AP2B1: variants seen among roughly 807,000 people sequenced by gnomAD.
The protein encoded by AP2B1 is AP-2 complex subunit beta.
AP2B1 carries 23 observed loss-of-function variants against 102.0 expected under a neutral mutation model. The observed-to-expected ratio is 0.23, with a 90% CI of 0.16 to 0.32. AP2B1 has a LOEUF of 0.32. Among genes scored for constraint, AP2B1 ranks in the 10% least tolerant of loss-of-function variants. The pLI, the probability that AP2B1 is intolerant of heterozygous loss-of-function variation, is 1.00. For synonymous variants in AP2B1, 381 were observed against 421.2 expected (o/e 0.90, Z 1.17); for missense variants, 541 against 1,157.4 (o/e 0.47, Z 7.73).
At chr17:35,609,178 TTATC>T (rs997493302) in intron 5 of AP2B1, among the ~76,000 whole-genome samples, 23 of 152,164 alleles carry the variant, frequency 1.5e-4, no homozygotes, top group African/African-American at 2.2e-4. Context: ...TAAAAATTAT[TTATC>T]TATCTATTTA....
chr17:35,610,804 G>A (rs1567804538), intron 5 of AP2B1, among the ~76,000 whole-genome samples: 1 of 152,014 alleles, frequency 6.6e-6, no homozygotes, highest in Non-Finnish European at 1.5e-5. Flanking sequence ...CTACTCAGGA[G>A]GCCGAGGCAG....
rs200693284 is a variant in AP2B1, at chr17:35,608,092, A to G, written c.280-50A>G. 7.8e-4 allele frequency: 1,243 copies of G among 1,602,900 alleles called. 2 individuals carry two copies. The highest frequency in any genetic ancestry group is 9.8e-4 in the Non-Finnish European group (1,154 of 1,173,876). On this transcript the variant is annotated intron_variant, in intron 4 of 21. Coordinates refer to ENST00000610402, the MANE Select transcript of AP2B1 (RefSeq NM_001030006.2). ...GCAGCTTACATAAACTGGACTGTTTACTTTTAGCCACCATGTATACCTACA... is the reference window on the plus strand; with the variant it reads ...GCAGCTTACATAAACTGGACTGTTTGCTTTTAGCCACCATGTATACCTACA...
At chr17:35,693,052 T>C (rs1293267691) in intron 18 of AP2B1, among the ~76,000 whole-genome samples, 1 of 152,220 alleles carries the variant, frequency 6.6e-6, no homozygotes, top group East Asian at 1.9e-4. Context: ...TCTCACTCTG[T>C]TGTTGCCCAG....
At chr17:35,639,487 T>C in intron 10 of AP2B1, 108 bp from the exon 11 acceptor site, 1 of 863,120 alleles carries the variant, frequency 1.2e-6, no homozygotes, top group Non-Finnish European at 1.8e-6. Flanking sequence ...TTTTACAGTT[T>C]GGTGGTTTGG....
intron 14 of AP2B1, among the ~76,000 whole-genome samples, chr17:35,660,484 T>TA (rs1182431627): frequency 3.7e-3 from 546 of 147,994 alleles, no homozygotes; most frequent in African/African-American, 0.013. Context: ...TCTCTCTCTT[T>TA]TTTTTTTTTT....
chr17:35,656,976 C>G (rs962017080), intron 13 of AP2B1, among the ~76,000 whole-genome samples: 1 of 152,044 alleles, frequency 6.6e-6, no homozygotes, highest in Non-Finnish European at 1.5e-5. Flanking sequence ...ATCCCAAACT[C>G]TGCTCCTGCC....
intron 13 of AP2B1, among the ~76,000 whole-genome samples, chr17:35,653,153 C>A (rs530023767): frequency 1.1e-4 from 16 of 152,282 alleles, no homozygotes; most frequent in African/African-American, 3.8e-4. Context: ...AGGGAAATTA[C>A]CCACTGACCA....
At chr17:35,685,068 A>T (rs1402183752) in intron 18 of AP2B1, among the ~76,000 whole-genome samples, 1 of 152,236 alleles carries the variant, frequency 6.6e-6, no homozygotes, top group African/African-American at 2.4e-5. Flanking sequence ...AATTTTCATA[A>T]ACCTGATATT....
intron 12 of AP2B1, among the ~76,000 whole-genome samples, chr17:35,642,997 T>G (rs1028910301): frequency 1.3e-5 from 2 of 151,814 alleles, no homozygotes; most frequent in African/African-American, 4.8e-5. Flanking sequence ...TTCAAAACAA[T>G]TTCTTTATTC....
At position 35,674,128 on chromosome 17, in the gene AP2B1, T is replaced by G. The variant is rs768816536; in HGVS notation, c.2179-48T>G. ...TTTATTTGTTAAAAAATGCATAGCATCAAGATAAATCTTGTCTGATTCTAT... is the reference window on the plus strand; with the variant it reads ...TTTATTTGTTAAAAAATGCATAGCAGCAAGATAAATCTTGTCTGATTCTAT... On this transcript the variant is annotated intron_variant, in intron 16 of 21. Coordinates refer to ENST00000610402, the MANE Select transcript of AP2B1 (RefSeq NM_001030006.2). 6 of 1,550,940 alleles carry G rather than the reference T, an allele frequency of 3.9e-6. No homozygotes were observed. In the South Asian group the frequency reaches 7.1e-5, roughly 18 times the overall value.
chr17:35,683,590 T>G (rs1040240014), intron 18 of AP2B1, among the ~76,000 whole-genome samples: 1 of 152,224 alleles, frequency 6.6e-6, no homozygotes, highest in African/African-American at 2.4e-5. Context: ...AAATGTCGAA[T>G]TTTTTAGAAT....
rs1555576234 is a variant in AP2B1, at chr17:35,680,696, T to TTG, written c.2325-1998_2325-1997insGT. Among the ~76,000 whole-genome samples, 47 of 116,932 alleles carry TTG rather than the reference T, an allele frequency of 4.0e-4. No individual in the cohort carries two copies. The East Asian group carries it at 5.8e-3, about 14-fold the overall frequency. The allele number at this position is 116,932 out of a possible 152,430, so 76.7% of individuals were successfully genotyped here. On this transcript the variant is annotated intron_variant, in intron 17 of 21. Coordinates refer to ENST00000610402, the MANE Select transcript of AP2B1 (RefSeq NM_001030006.2). ...CAGTCTATGGTTTTGGTTTTTTTTT[T>TTG]TTTGTTTTTTTTTTTTTTTTCAGAC...
chr17:35,627,204 G>C (rs1394170621), intron 7 of AP2B1, among the ~76,000 whole-genome samples, 181 bp from the exon 8 acceptor site: 1 of 146,542 alleles, frequency 6.8e-6, no homozygotes, highest in Non-Finnish European at 1.5e-5. Flanking sequence ...AATCTGCCAA[G>C]TGGAACTGAT....
chr17:35,699,760 A>G (rs1255373253), intron 18 of AP2B1, among the ~76,000 whole-genome samples: 1 of 152,178 alleles, frequency 6.6e-6, no homozygotes, highest in East Asian at 1.9e-4. Flanking sequence ...ATAGAGTTTG[A>G]AATGCTATTT....
At chr17:35,706,945 C>A (rs770215342) in intron 18 of AP2B1, among the ~76,000 whole-genome samples, 1 of 152,172 alleles carries the variant, frequency 6.6e-6, no homozygotes, top group Non-Finnish European at 1.5e-5. Flanking sequence ...AGCCACCACA[C>A]CCGGCCCCAG....
At chr17:35,688,721 T>C (rs1306979950) in intron 18 of AP2B1, among the ~76,000 whole-genome samples, 1 of 152,166 alleles carries the variant, frequency 6.6e-6, no homozygotes, top group Non-Finnish European at 1.5e-5. Context: ...TCCAGCACTT[T>C]GGGAGGCCAA....
chr17:35,600,208 AG>A lies in AP2B1; in HGVS notation c.143+1874del, dbSNP rs548798516. Reference sequence around the variant, plus strand: ...GCGGTTCTCCTGCCTCAGCCTCCCAAGTAGCTGGGATTACAGGCGTGCACCA... The same window carrying A: ...GCGGTTCTCCTGCCTCAGCCTCCCAATAGCTGGGATTACAGGCGTGCACCA... On this transcript the variant is annotated intron_variant, in intron 3 of 21. Coordinates refer to ENST00000610402, the MANE Select transcript of AP2B1 (RefSeq NM_001030006.2). Among the ~76,000 whole-genome samples the A allele has an allele frequency of 2.5e-3, 375 of 152,116 alleles. 1 individual carries two copies. Among genetic ancestry groups the A allele is most frequent in the African/African-American group, 8.7e-3 (361 of 41,510 alleles).
At chr17:35,686,936 C>G (rs2075947786) in intron 18 of AP2B1, among the ~76,000 whole-genome samples, 1 of 152,164 alleles carries the variant, frequency 6.6e-6, no homozygotes, top group African/African-American at 2.4e-5. Flanking sequence ...GAGATCGCGC[C>G]ACTGCACTCC....
At chr17:35,671,480 G>A (rs967490148) in intron 15 of AP2B1, among the ~76,000 whole-genome samples, 11 of 152,098 alleles carry the variant, frequency 7.2e-5, no homozygotes, top group Non-Finnish European at 1.0e-4. Context: ...GCTAAAATTG[G>A]AAACAAATAC....
Sources: gnomAD v4.1 joint callset for allele counts (sites outside exome capture counted in the v4.1 genomes callset) on GRCh38, gnomAD v4.1.1 for gene constraint, MANE v1.5 for transcripts, NCBI Gene and HGNC (gene_info 2026-07-23, HGNC 2026-07-21) for gene names.